The following PTPN21 variants were observed in gnomAD, a reference collection of about 807,000 sequenced individuals.
The protein encoded by PTPN21 is protein tyrosine phosphatase non-receptor type 21, also known as tyrosine-protein phosphatase non-receptor type 21.
Under a neutral mutation model 131.8 loss-of-function variants are expected in PTPN21, and 77 were observed. The ratio of observed to expected loss-of-function variants is 0.58; its 90% confidence interval spans 0.49 to 0.71. PTPN21 has a LOEUF of 0.71. Among genes scored for constraint, PTPN21 ranks in the 30% least tolerant of loss-of-function variants. The probability of loss-of-function intolerance (pLI) is 0.00; values close to 1 mark genes in which losing one functional copy is unlikely to be tolerated. For synonymous variants in PTPN21, 715 were observed against 621.3 expected (o/e 1.15, Z -2.24); for missense variants, 1,552 against 1,527.1 (o/e 1.02, Z -0.27).
At chr14:88,473,254 C>T (rs2077498823) in intron 14 of PTPN21, among the ~76,000 whole-genome samples, 1 of 152,194 alleles carries the variant, frequency 6.6e-6, no homozygotes, top group South Asian at 2.1e-4. Flanking sequence ...ATAGAAAATA[C>T]ACCTCAGGCA....
chr14:88,549,534 C>T (rs922380724), intron 2 of PTPN21, among the ~76,000 whole-genome samples: 1 of 152,174 alleles, frequency 6.6e-6, no homozygotes, highest in Non-Finnish European at 1.5e-5. Flanking sequence ...CAGGGACACA[C>T]AGTGAGTGGC....
At position 88,469,729 on chromosome 14, in the gene PTPN21, C is replaced by A; in HGVS notation, c.3005G>T (p.Gly1002Val). 6.2e-7 allele frequency: 1 copy of A among 1,614,086 alleles called. No homozygotes were observed. ...IIAMVTAEEE[G>V]GREKSFRYWP... ...GTACCTAAAGCTCTTCTCCCTTCCA[C>A]CCTCCTGTTAAAGATGAGCATGGTT... Residue 1002 changes from glycine to valine, a missense_variant, in exon 17 of 19, where the codon GGT becomes GTT. By Grantham distance (109) the Gly-to-Val change is moderately radical (BLOSUM62 -3). Around this residue, in one of 4 missense-constraint regions of PTPN21, gnomAD observed 316 missense variants for 378.5 expected, o/e 0.83. Transcript: ENST00000556564. The surrounding 1 kb of genome is among the most constrained non-coding windows in gnomAD (Gnocchi z 4.3).
Position 88,500,822 on chromosome 14 carries a change from A to G in PTPN21, c.725T>C (p.Phe242Ser). Residue 242 changes from phenylalanine to serine, a missense_variant, in exon 8 of 19, where the codon TTT becomes TCT. Phe to Ser is a radical substitution (Grantham distance 155). Coordinates refer to ENST00000556564, the MANE Select transcript of PTPN21 (RefSeq NM_007039.4). ...ISIGACLEGI[F>S]VKHKNGRHPV... ...ATGCCTTCCATTCTTGTGTTTCACA[A>G]AGATACCTTCAAGACACGCTCCAAT... 2 of 1,614,016 alleles carry G rather than the reference A, an allele frequency of 1.2e-6. No homozygotes were observed. The highest frequency in any genetic ancestry group is 1.7e-6 in the Non-Finnish European group (2 of 1,179,884).
chr14:88,479,403 G>C lies in PTPN21; in HGVS notation c.2028C>G (p.Ser676Arg), dbSNP rs1182562368. The C allele has an allele frequency of 2.5e-6, 4 of 1,603,436 alleles. No individual in the cohort carries two copies. The highest frequency in any genetic ancestry group is 3.4e-6 in the Non-Finnish European group (4 of 1,178,796). ...PRAVSVGSQPSVFTERTQREG... is the reference protein window; with the variant it reads ...PRAVSVGSQPRVFTERTQREG... ...CTCGCTGTGTCCTCTCGGTGAAAACGCTGGGCTGGGAGCCCACCGAGACGG... is the reference window on the plus strand; with the variant it reads ...CTCGCTGTGTCCTCTCGGTGAAAACCCTGGGCTGGGAGCCCACCGAGACGG... Residue 676 changes from serine to arginine, a missense_variant, in exon 13 of 19, where the codon AGC becomes AGG. Physicochemically the swap from Ser to Arg is moderately radical, Grantham distance 110. Around this residue, in one of 4 missense-constraint regions of PTPN21, gnomAD observed 1,016 missense variants for 883.5 expected, o/e 1.15. Coordinates refer to ENST00000556564, the MANE Select transcript of PTPN21 (RefSeq NM_007039.4).
intron 2 of PTPN21, among the ~76,000 whole-genome samples, chr14:88,538,862 T>C (rs1488772120): frequency 1.3e-5 from 2 of 152,222 alleles, no homozygotes; most frequent in Non-Finnish European, 2.9e-5. Context: ...GTGCCTCATA[T>C]ACAGGATTTT....
intron 15 of PTPN21, 42 bp downstream of exon 15, chr14:88,472,202 G>A: frequency 9.2e-7 from 1 of 1,090,194 alleles, no homozygotes; most frequent in Non-Finnish European, 1.4e-6. Flanking sequence ...TAACTTAACT[G>A]AAACTGCATG....
chr14:88,515,526 A>C (rs1163597990), intron 3 of PTPN21: 1 of 152,136 alleles, frequency 6.6e-6, no homozygotes, highest in African/African-American at 2.4e-5. Flanking sequence ...GCTAATGTCT[A>C]TTTTTAAAAC....
intron 2 of PTPN21, among the ~76,000 whole-genome samples, chr14:88,519,487 T>C (rs771820748): frequency 6.6e-6 from 1 of 152,178 alleles, no homozygotes; most frequent in South Asian, 2.1e-4. Flanking sequence ...GGCTACTGTA[T>C]TGGATAGTAT....
intron 2 of PTPN21, among the ~76,000 whole-genome samples, chr14:88,543,680 G>A (rs911017591): frequency 6.6e-6 from 1 of 152,186 alleles, no homozygotes; most frequent in African/African-American, 2.4e-5. Flanking sequence ...TTGACATTGT[G>A]TGTAACGCAC....
chr14:88,553,967 T>C (rs1394009363), intron 1 of PTPN21, among the ~76,000 whole-genome samples: 4 of 152,134 alleles, frequency 2.6e-5, no homozygotes, highest in African/African-American at 9.7e-5. Flanking sequence ...TGCTCCAGAA[T>C]AAAATGCCCT....
At chr14:88,472,991 A>G (rs1376176903) in intron 14 of PTPN21, among the ~76,000 whole-genome samples, 1 of 152,206 alleles carries the variant, frequency 6.6e-6, no homozygotes, top group East Asian at 1.9e-4. Context: ...AAATTGGCCT[A>G]AAGAAATTTG....
Position 88,488,977 on chromosome 14 carries a change from A to G in PTPN21, c.933-3135T>C, listed in dbSNP as rs1420585022. ...CAGTTATTATCCTGATTTTACAGAT[A>G]AGGAAAGTGATACGTAAGTTCAGTA... is the stretch of plus-strand genomic sequence containing the variant. On this transcript the variant is annotated intron_variant, in intron 10 of 18. Transcript: ENST00000556564. Among the ~76,000 whole-genome samples the G allele has an allele frequency of 7.9e-5, 12 of 152,336 alleles. No homozygotes were observed. The South Asian group carries it at 1.5e-3, about 18-fold the overall frequency.
chr14:88,540,626 T>C (rs955100941), intron 2 of PTPN21, among the ~76,000 whole-genome samples: 13 of 152,232 alleles, frequency 8.5e-5, no homozygotes, highest in African/African-American at 2.9e-4. Context: ...CAACGAAGTC[T>C]GAGCCATCTA....
chr14:88,552,176 G>A (rs2078878529), intron 1 of PTPN21: 1 of 152,278 alleles, frequency 6.6e-6, no homozygotes. Context: ...GACGGGCTGA[G>A]CTGGGAATCG....
At chr14:88,547,848 C>T (rs2078805572) in intron 2 of PTPN21, among the ~76,000 whole-genome samples, 1 of 152,152 alleles carries the variant, frequency 6.6e-6, no homozygotes, top group South Asian at 2.1e-4. Flanking sequence ...TTAATGAACT[C>T]ACTTAGGCTG....
rs2077365201 is a variant in PTPN21, at chr14:88,466,475, G to A, written c.*1662C>T. On this transcript the variant is annotated 3_prime_UTR_variant, in exon 19 of 19. Coordinates refer to ENST00000556564, the MANE Select transcript of PTPN21 (RefSeq NM_007039.4). ...AGTGCTCAAGGAAGTGAGTTAAGGA[G>A]TGACATGGGAATCAAAATGATGCCT... The A allele has an allele frequency of 6.6e-6, 1 of 152,164 alleles. No individual in the cohort carries two copies. Among genetic ancestry groups the A allele is most frequent in the Admixed American group, 6.5e-5 (1 of 15,276 alleles). 9.4% of individuals were successfully genotyped at this position (152,164 alleles called of 1,614,324 possible).
Position 88,477,451 on chromosome 14 carries a change from A to C in PTPN21, c.2511+1469T>G, listed in dbSNP as rs1446665448. ...GCAACAGGGCAAGACTGTTCTAAAA[A>C]AAAAAAAAAAAAAAAAAAAGCAAAT... is the stretch of plus-strand genomic sequence containing the variant. On this transcript the variant is annotated intron_variant, in intron 13 of 18. Transcript: ENST00000556564. 1.5e-3 allele frequency among the ~76,000 whole-genome samples: 210 copies of C among 136,376 alleles called. 2 individuals carry two copies. The highest frequency in any genetic ancestry group is 6.7e-3 in the African/African-American group (200 of 29,884). 89.5% of individuals were successfully genotyped at this position (136,376 alleles called of 152,430 possible). A position where few individuals can be genotyped will look rare whatever the true frequency, so the allele number is the denominator to read the frequency against.
rs560795052 is a variant in PTPN21 at position 88,554,963 on chromosome 14, C to T, written c.-515G>A. Reference sequence around the variant, plus strand: ...GAGGACGGACAGACCGTCGGACCGACGCGGGACGCGCGGCCGGAGCAGCGG... The same window carrying T: ...GAGGACGGACAGACCGTCGGACCGATGCGGGACGCGCGGCCGGAGCAGCGG... On this transcript the variant is annotated 5_prime_UTR_variant, in exon 1 of 19. Transcript: ENST00000556564. Among the ~76,000 whole-genome samples the T allele has an allele frequency of 3.1e-4, 47 of 151,538 alleles. No homozygotes were observed. Among genetic ancestry groups the T allele is most frequent in the South Asian group, 2.9e-3 (14 of 4,812 alleles).
Position 88,554,995 on chromosome 14 carries a change from C to T in PTPN21, c.-547G>A, listed in dbSNP as rs1222054360. The stretch of plus-strand genomic sequence containing the variant: ...CGCGCGGCCGGAGCAGCGGGGCGGC[C>T]GGGCCCAGGCGTCCCTCCCCCTGAG... On this transcript the variant is annotated 5_prime_UTR_variant, in exon 1 of 19. Coordinates refer to ENST00000556564, the MANE Select transcript of PTPN21 (RefSeq NM_007039.4). Among the ~76,000 whole-genome samples the T allele has an allele frequency of 6.6e-6, 1 of 151,538 alleles. No homozygotes were observed. Among genetic ancestry groups the T allele is most frequent in the Admixed American group, 6.6e-5 (1 of 15,218 alleles).
Sources: allele counts gnomAD v4.1 joint callset (sites outside exome capture counted in the v4.1 genomes callset), GRCh38; gene constraint gnomAD v4.1.1; regional missense constraint gnomAD v4.1.1; non-coding constraint Gnocchi (gnomAD v3.1); transcripts MANE v1.5; gene names NCBI Gene and HGNC (gene_info 2026-07-23, HGNC 2026-07-21).